CDH13: variants seen among roughly 807,000 people sequenced by gnomAD.
CDH13 encodes cadherin 13.
In CDH13, 24 loss-of-function variants were observed where a neutral mutation model predicts 63.8. That is an observed-to-expected ratio of 0.38 (90% confidence interval 0.27 to 0.53). The LOEUF is 0.53. Ranked by LOEUF, CDH13 falls within the 20% of genes least tolerant of loss-of-function variation. The probability of loss-of-function intolerance (pLI) is 0.85; values close to 1 mark genes in which losing one functional copy is unlikely to be tolerated. For synonymous variants in CDH13, 503 were observed against 355.3 expected (o/e 1.42, Z -4.67); for missense variants, 1,049 against 903.1 (o/e 1.16, Z -2.07).
intron 3 of CDH13, among the ~76,000 whole-genome samples, chr16:83,046,393 C>G (rs925148498): frequency 2.0e-5 from 3 of 152,118 alleles, no homozygotes; most frequent in African/African-American, 4.8e-5. Flanking sequence ...TTGGCAAACA[C>G]TTATTTTTCT....
At chr16:82,762,101 AAG>A (rs2034876864) in intron 1 of CDH13, among the ~76,000 whole-genome samples, 1 of 152,200 alleles carries the variant, frequency 6.6e-6, no homozygotes, top group African/African-American at 2.4e-5. Flanking sequence ...GCAGCTAGGC[AAG>A]AGAGAGTACC....
chr16:83,119,926 T>C (rs1488519889), intron 3 of CDH13, among the ~76,000 whole-genome samples: 2 of 152,098 alleles, frequency 1.3e-5, no homozygotes, highest in African/African-American at 4.8e-5. Context: ...CAGGCAAAGA[T>C]AGAAGCAGAG....
intron 4 of CDH13, among the ~76,000 whole-genome samples, chr16:83,177,572 G>C (rs1180180818): frequency 6.6e-6 from 1 of 152,178 alleles, no homozygotes; most frequent in South Asian, 2.1e-4. Flanking sequence ...AATATAAGAA[G>C]AGCACTTAAT....
intron 5 of CDH13, among the ~76,000 whole-genome samples, chr16:83,334,993 A>C (rs1337767848): frequency 6.6e-6 from 1 of 152,162 alleles, no homozygotes; most frequent in African/African-American, 2.4e-5. Flanking sequence ...ACATTAATAA[A>C]CTGGGTTAGG....
chr16:83,129,825 C>T (rs1414867992), intron 4 of CDH13, among the ~76,000 whole-genome samples: 2 of 152,214 alleles, frequency 1.3e-5, no homozygotes, highest in African/African-American at 4.8e-5. Flanking sequence ...GTGGACAGGG[C>T]ACTGATCCCT....
At position 82,903,002 on chromosome 16, in the gene CDH13, G is replaced by C. The variant is rs577420915; in HGVS notation, c.157+44529G>C. Among the ~76,000 whole-genome samples the C allele has an allele frequency of 5.1e-4, 77 of 152,176 alleles. 1 individual carries two copies. The highest frequency in any genetic ancestry group is 9.0e-4 in the Non-Finnish European group (61 of 68,036). On this transcript the variant is annotated intron_variant, in intron 2 of 13. Transcript: ENST00000567109. ...TAGCAACTGTTGACTCCTTTCTCTA[G>C]TTCAGGCATTCTGTCTGACTCTTAC...
At chr16:83,514,335 C>T (rs1310246166) in intron 7 of CDH13, among the ~76,000 whole-genome samples, 1 of 152,142 alleles carries the variant, frequency 6.6e-6, no homozygotes, top group Non-Finnish European at 1.5e-5. Flanking sequence ...TCCAGTATGC[C>T]TTGGAGTATC....
intron 2 of CDH13, among the ~76,000 whole-genome samples, chr16:83,026,547 C>T (rs984736214): frequency 6.6e-6 from 1 of 151,892 alleles, no homozygotes; most frequent in Non-Finnish European, 1.5e-5. Context: ...CTTGTAGTAC[C>T]TAAACAGATA....
At chr16:83,676,818 A>G (rs8063679) in intron 9 of CDH13, among the ~76,000 whole-genome samples, 11,431 of 152,242 alleles carry the variant, frequency 0.075, 701 homozygotes, top group African/African-American at 0.17. Context: ...CGTAATTATT[A>G]TGAAAGTGAC....
At chr16:83,214,394 A>G (rs2039431972) in intron 4 of CDH13, among the ~76,000 whole-genome samples, 1 of 151,952 alleles carries the variant, frequency 6.6e-6, no homozygotes, top group Admixed American at 6.6e-5. Context: ...AGCGTGGCCA[A>G]CATGGGGAAA....
At chr16:83,015,677 G>GTATATATATATATATA (rs71148803) in intron 2 of CDH13, among the ~76,000 whole-genome samples, 43 of 37,558 alleles carry the variant, frequency 1.1e-3, no homozygotes, top group East Asian at 3.8e-3. Flanking sequence ...GTGTGTGTAT[G>GTATATATATATATATA]TATATATATA....
At chr16:83,602,705 A>C in intron 8 of CDH13, 111 bp downstream of exon 8, 1 of 1,083,714 alleles carries the variant, frequency 9.2e-7, no homozygotes, top group Non-Finnish European at 1.4e-6. Flanking sequence ...AAATCAAAAT[A>C]CTCCTTTGTG....
chr16:83,470,998 G>A (rs981490033), intron 6 of CDH13, among the ~76,000 whole-genome samples: 2 of 151,898 alleles, frequency 1.3e-5, no homozygotes, highest in African/African-American at 4.8e-5. Flanking sequence ...GGCTCCTGAC[G>A]CCTTCCTTGG....
At chr16:83,123,406 A>T (rs1182279692) in intron 3 of CDH13, among the ~76,000 whole-genome samples, 2 of 152,028 alleles carry the variant, frequency 1.3e-5, no homozygotes, top group Non-Finnish European at 2.9e-5. Flanking sequence ...CAGCCTCATG[A>T]ATAGCTGGGA....
At position 82,892,222 on chromosome 16, in the gene CDH13, C is replaced by T. The variant is rs543879065; in HGVS notation, c.157+33749C>T. Among the ~76,000 whole-genome samples, 17 of 152,262 alleles carry T rather than the reference C, an allele frequency of 1.1e-4. No individual in the cohort carries two copies. In the South Asian group the frequency reaches 3.3e-3, roughly 30 times the overall value. On this transcript the variant is annotated intron_variant, in intron 2 of 13. Coordinates refer to ENST00000567109, the MANE Select transcript of CDH13 (RefSeq NM_001257.5). ...CTGACTTGAGGATTAAATGAGTTAACACACATAACGCTTAGGATGGTGGTG... is the reference window on the plus strand; with the variant it reads ...CTGACTTGAGGATTAAATGAGTTAATACACATAACGCTTAGGATGGTGGTG...
At chr16:83,244,067 A>G (rs1289139492) in intron 5 of CDH13, among the ~76,000 whole-genome samples, 1 of 151,972 alleles carries the variant, frequency 6.6e-6, no homozygotes, top group Non-Finnish European at 1.5e-5. Context: ...AATTAGAAAC[A>G]TACATAGGTG....
intron 6 of CDH13, among the ~76,000 whole-genome samples, chr16:83,380,993 T>A (rs113987119): frequency 6.6e-6 from 1 of 152,152 alleles, no homozygotes; most frequent in Non-Finnish European, 1.5e-5. Flanking sequence ...TGTCTATGTT[T>A]CTATAATTAA....
At chr16:82,970,317 C>G (rs1464615707) in intron 2 of CDH13, among the ~76,000 whole-genome samples, 1 of 151,246 alleles carries the variant, frequency 6.6e-6, no homozygotes, top group Non-Finnish European at 1.5e-5. Context: ...TTTTCTTTAT[C>G]CAGTCTATCA....
intron 2 of CDH13, among the ~76,000 whole-genome samples, chr16:83,017,689 A>G (rs1240632478): frequency 6.6e-6 from 1 of 152,202 alleles, no homozygotes; most frequent in Non-Finnish European, 1.5e-5. Flanking sequence ...ATGAAATACT[A>G]TTAGGGCTCT....
Sources: allele counts gnomAD v4.1 joint callset (sites outside exome capture counted in the v4.1 genomes callset), GRCh38; gene constraint gnomAD v4.1.1; transcripts MANE v1.5; gene names NCBI Gene and HGNC (gene_info 2026-07-23, HGNC 2026-07-21).